Variants in PUM3 observed in about 807,000 individuals in gnomAD.
PUM3 encodes the protein pumilio homolog 3.
PUM3 carries 91 observed loss-of-function variants against 84.0 expected under a neutral mutation model. The observed-to-expected ratio is 1.08, with a 90% confidence interval of 0.91 to 1.29. The LOEUF is 1.29. Ranked by LOEUF, PUM3 falls within the 50% of genes most tolerant of loss-of-function variation. The probability of loss-of-function intolerance (pLI) is 0.00; values close to 1 mark genes in which losing one functional copy is unlikely to be tolerated. For synonymous variants in PUM3, 321 were observed against 266.7 expected (o/e 1.20, Z -1.98); for missense variants, 1,067 against 767.5 (o/e 1.39, Z -4.61).
chr9:2,832,091 T>TA (rs751383883), intron 5 of PUM3, among the ~76,000 whole-genome samples: 20 of 152,322 alleles, frequency 1.3e-4, no homozygotes, highest in Middle Eastern at 3.4e-3. Flanking sequence ...TTGCTCACTC[T>TA]AAAGTTTCTG....
chr9:2,834,161 C>A lies in PUM3; in HGVS notation c.310G>T (p.Ala104Ser). ...TCATCCCATTTGGGCTTCTTGGCTG[C>A]TGATTCTAGTTATTATAGAAATTAT... ...FQPDGRSDESAAKKPKWDDFK... is the reference protein window; with the variant it reads ...FQPDGRSDESSAKKPKWDDFK... Residue 104 changes from alanine to serine, a missense_variant, in exon 4 of 18, where the codon GCA (alanine) becomes TCA (serine). By Grantham distance (99) the Ala-to-Ser change is moderately conservative. Coordinates refer to ENST00000397885, the MANE Select transcript of PUM3 (RefSeq NM_014878.5). 1.9e-6 allele frequency: 3 copies of A among 1,610,874 alleles called. No individual in the cohort carries two copies. In the South Asian group the frequency reaches 3.3e-5, roughly 18 times the overall value.
intron 9 of PUM3, among the ~76,000 whole-genome samples, chr9:2,827,921 G>A (rs1815866902): frequency 6.6e-6 from 1 of 152,184 alleles, no homozygotes; most frequent in South Asian, 2.1e-4. Flanking sequence ...GGGGAGTGGG[G>A]AACCAGGAGT....
At chr9:2,833,012 T>A (rs1426322477) in intron 5 of PUM3, among the ~76,000 whole-genome samples, 1 of 152,166 alleles carries the variant, frequency 6.6e-6, no homozygotes, top group African/African-American at 2.4e-5. Context: ...TATAAAGAAG[T>A]TGGCAATTGA....
intron 10 of PUM3, among the ~76,000 whole-genome samples, chr9:2,826,460 GT>G (rs111688104): frequency 0.055 from 8,312 of 152,196 alleles, 694 homozygotes; most frequent in African/African-American, 0.18. Context: ...ATAGTCTGGC[GT>G]TATTTGTTAA....
chr9:2,831,414 C>T (rs908032482), intron 5 of PUM3, 70 bp from the exon 6 acceptor site: 6 of 964,348 alleles, frequency 6.2e-6, no homozygotes, highest in Non-Finnish European at 9.7e-6. Context: ...TTATTGTGAC[C>T]TCTTCTGGAA....
intron 1 of PUM3, among the ~76,000 whole-genome samples, chr9:2,843,567 G>T (rs917555195): frequency 1.8e-4 from 26 of 144,268 alleles, no homozygotes; most frequent in African/African-American, 6.7e-4. Flanking sequence ...TCGGAGTCCC[G>T]CCCTTCTTTT....
intron 13 of PUM3, among the ~76,000 whole-genome samples, chr9:2,814,319 C>A (rs1462598875): frequency 8.4e-6 from 1 of 119,354 alleles, no homozygotes; most frequent in Non-Finnish European, 1.8e-5. Flanking sequence ...TCAAGCAATT[C>A]TCCTGCCTCA....
At chr9:2,839,764 C>T (rs1314517997) in intron 1 of PUM3, among the ~76,000 whole-genome samples, 1 of 152,256 alleles carries the variant, frequency 6.6e-6, no homozygotes. Context: ...ATACCTGCAT[C>T]TCTCAGCTCT....
At chr9:2,840,261 T>G (rs1816234921) in intron 1 of PUM3, among the ~76,000 whole-genome samples, 2 of 152,244 alleles carry the variant, frequency 1.3e-5, no homozygotes, top group Non-Finnish European at 2.9e-5. Context: ...CACTTTAACC[T>G]TTCCATCTTT....
chr9:2,813,036 G>A (rs984782439), intron 13 of PUM3, among the ~76,000 whole-genome samples: 2 of 152,204 alleles, frequency 1.3e-5, no homozygotes, highest in African/African-American at 4.8e-5. Flanking sequence ...GCTTATTCAT[G>A]GCAAATGAAG....
intron 11 of PUM3, 50 bp downstream of exon 11, chr9:2,824,667 G>C (rs762836119): frequency 1.7e-6 from 2 of 1,196,072 alleles, no homozygotes; most frequent in South Asian, 3.9e-5. Context: ...TGCAGATAAA[G>C]CATGGCCCTG....
At chr9:2,823,077 T>C (rs1815709379) in intron 12 of PUM3, among the ~76,000 whole-genome samples, 1 of 151,932 alleles carries the variant, frequency 6.6e-6, no homozygotes, top group African/African-American at 2.4e-5. Flanking sequence ...AAATTTGTTA[T>C]CCATCAAATA....
intron 14 of PUM3, 29 bp downstream of exon 14, chr9:2,812,191 A>G: frequency 6.2e-7 from 1 of 1,601,980 alleles, no homozygotes; most frequent in Non-Finnish European, 8.6e-7. Context: ...AGAGGAATAA[A>G]GAAGTCAAGC....
rs753701694 is a variant in PUM3 at position 2,804,399 on chromosome 9, G to C, written c.1879C>G (p.Pro627Ala). 1 of 1,613,864 alleles carries C rather than the reference G, an allele frequency of 6.2e-7. No homozygotes were observed. Among genetic ancestry groups the C allele is most frequent in the Non-Finnish European group, 8.5e-7 (1 of 1,179,882 alleles). Reference protein sequence around the residue: ...KVKAALKSLIPTLEKTKSTSK... With the variant: ...KVKAALKSLIATLEKTKSTSK... ...GTGCTTTTGGTTTTTTCCAATGTAG[G>C]AATCAAGCTTTTCAGTGCAGCTTTG... Residue 627 changes from proline (P) to alanine (A), a missense_variant, in exon 18 of 18, where the codon CCT becomes GCT. Coordinates refer to ENST00000397885, the MANE Select transcript of PUM3 (RefSeq NM_014878.5).
In PUM3 at chr9:2,837,270, G is replaced by A; in HGVS notation, c.214C>T (p.Gln72Ter). ...KKGVKQFKNKQQGDKSPKNKF... is the reference protein window; with the variant it reads ...KKGVKQFKNK ...TTCTTTGGTGATTTGTCCCCTTGCT[G>A]CTTATTCTTGAACTGCTTTACACCC... Residue 72 changes from glutamine (Q) to a stop codon, truncating the protein, a stop_gained, in exon 3 of 18, where the codon CAG (glutamine) becomes TAG (stop). Transcript: ENST00000397885. LOFTEE classifies it high-confidence loss of function. 1 of 1,614,034 alleles carries A rather than the reference G, an allele frequency of 6.2e-7. No individual in the cohort carries two copies. Among genetic ancestry groups the A allele is most frequent in the Non-Finnish European group, 8.5e-7 (1 of 1,179,958 alleles).
At chr9:2,837,469 T>C (rs755203187) in intron 2 of PUM3, 68 bp from the exon 3 acceptor site, 24 of 1,029,028 alleles carry the variant, frequency 2.3e-5, no homozygotes, top group Non-Finnish European at 3.3e-5. Flanking sequence ...TTGGATTATA[T>C]CCATTACAGA....
chr9:2,827,517 G>T (rs1815856327), intron 9 of PUM3, among the ~76,000 whole-genome samples: 1 of 152,212 alleles, frequency 6.6e-6, no homozygotes, highest in Non-Finnish European at 1.5e-5. Flanking sequence ...TTTAATAGTT[G>T]TTTTATTTCT....
At chr9:2,805,967 C>T (rs1821249989) in intron 17 of PUM3, among the ~76,000 whole-genome samples, 1 of 152,128 alleles carries the variant, frequency 6.6e-6, no homozygotes, top group South Asian at 2.1e-4. Context: ...TTCTTTTCAC[C>T]CAAAATTTAC....
chr9:2,833,063 T>C (rs939117597), intron 5 of PUM3, among the ~76,000 whole-genome samples: 2 of 152,174 alleles, frequency 1.3e-5, no homozygotes, highest in African/African-American at 4.8e-5. Context: ...AACACATTTA[T>C]AAAATACTAC....
Sources: allele counts gnomAD v4.1 joint callset (sites outside exome capture counted in the v4.1 genomes callset), GRCh38; gene constraint gnomAD v4.1.1; transcripts MANE v1.5; gene names NCBI Gene and HGNC (gene_info 2026-07-23, HGNC 2026-07-21).